CCDC178: variants seen among roughly 807,000 people sequenced by gnomAD.
The protein encoded by CCDC178 is coiled-coil domain containing 178.
CCDC178 carries 126 observed loss-of-function variants against 117.4 expected under a neutral mutation model. The ratio of observed to expected loss-of-function variants is 1.07; its 90% CI spans 0.93 to 1.24. CCDC178 has a LOEUF of 1.24. CCDC178 is among the 50% of genes most tolerant of loss of function. The pLI, the probability that CCDC178 is intolerant of heterozygous loss-of-function variation, is 0.00. For missense variants in CCDC178, 1,030 were observed against 986.9 expected, an observed-to-expected ratio of 1.04 and a Z score of -0.59; for synonymous variants, 283 against 313.4, an observed-to-expected ratio of 0.90 and a Z score of 1.02.
At chr18:33,390,831 T>C (rs1017533191) in intron 4 of CCDC178, among the ~76,000 whole-genome samples, 10 of 151,766 alleles carry the variant, frequency 6.6e-5, no homozygotes, top group Admixed American at 1.3e-4. Flanking sequence ...TGTTTTACTC[T>C]AAAACCACTA....
At chr18:33,142,490 A>C (rs2058219099) in intron 20 of CCDC178, among the ~76,000 whole-genome samples, 1 of 152,222 alleles carries the variant, frequency 6.6e-6, no homozygotes, top group Non-Finnish European at 1.5e-5. Flanking sequence ...CTAGAAAAGG[A>C]GTAATGGAAA....
At chr18:33,309,186 G>T (rs1158606039) in intron 11 of CCDC178, among the ~76,000 whole-genome samples, 1 of 30,096 alleles carries the variant, frequency 3.3e-5, no homozygotes, top group Admixed American at 4.2e-4. Context: ...TGTGTTTTTT[G>T]ACAAAAAAAA....
intron 12 of CCDC178, 66 bp from the exon 13 acceptor site, chr18:33,267,363 A>C (rs931256818): frequency 1.1e-6 from 1 of 892,232 alleles, no homozygotes; most frequent in Non-Finnish European, 1.7e-6. Context: ...AAGGTAAAAA[A>C]TAAATTAATC....
At chr18:33,421,437 T>C (rs944629325) in intron 2 of CCDC178, among the ~76,000 whole-genome samples, 3 of 152,256 alleles carry the variant, frequency 2.0e-5, no homozygotes, top group African/African-American at 7.2e-5. Flanking sequence ...GCCAGGAAGC[T>C]GATTGTTAAA....
chr18:33,431,029 C>G (rs1295157643), intron 2 of CCDC178, among the ~76,000 whole-genome samples: 4 of 148,496 alleles, frequency 2.7e-5, no homozygotes, highest in African/African-American at 9.9e-5. Context: ...GAGCCGAGAT[C>G]GCGCCACTGC....
chr18:33,020,827 G>A (rs2056101987), intron 21 of CCDC178, among the ~76,000 whole-genome samples: 1 of 151,972 alleles, frequency 6.6e-6, no homozygotes, highest in African/African-American at 2.4e-5. Context: ...TGAATTTTAG[G>A]TTGTATTTAC....
chr18:33,126,188 T>C (rs1201271771), intron 20 of CCDC178, among the ~76,000 whole-genome samples: 1 of 152,034 alleles, frequency 6.6e-6, no homozygotes, highest in African/African-American at 2.4e-5. Flanking sequence ...TAGACATGGA[T>C]GGATTTCAAA....
chr18:32,973,056 T>TA (rs1759746187), intron 22 of CCDC178, among the ~76,000 whole-genome samples: 1 of 152,060 alleles, frequency 6.6e-6, no homozygotes, highest in African/African-American at 2.4e-5. Context: ...TTTCCACTGT[T>TA]ATGTAACAGC....
At chr18:33,323,963 A>C (rs1211649012) in intron 10 of CCDC178, among the ~76,000 whole-genome samples, 1 of 151,894 alleles carries the variant, frequency 6.6e-6, no homozygotes, top group Admixed American at 6.6e-5. Flanking sequence ...TCGCAAACAA[A>C]GTGACCTGTA....
chr18:33,084,861 G>C (rs189864363), intron 21 of CCDC178, among the ~76,000 whole-genome samples: 35 of 151,714 alleles, frequency 2.3e-4, no homozygotes, highest in Non-Finnish European at 1.5e-5. Context: ...CAATTCATGT[G>C]TCATTGCTGA....
intron 10 of CCDC178, 53 bp downstream of exon 10, chr18:33,333,121 T>G (rs2062692503): frequency 8.6e-7 from 1 of 1,161,892 alleles, no homozygotes; most frequent in Non-Finnish European, 1.2e-6. Context: ...GTTGAAAAGT[T>G]TTTGCATAAC....
At chr18:33,358,816 G>C (rs2144721386) in intron 6 of CCDC178, among the ~76,000 whole-genome samples, 1 of 151,868 alleles carries the variant, frequency 6.6e-6, no homozygotes, top group Middle Eastern at 3.4e-3. Context: ...GTCACAAACT[G>C]AGAGAAAGTG....
intron 21 of CCDC178, among the ~76,000 whole-genome samples, chr18:33,008,379 CTT>C (rs1338563213): frequency 1.3e-5 from 2 of 152,046 alleles, no homozygotes; most frequent in African/African-American, 4.8e-5. Context: ...TACCCTCTCT[CTT>C]GTTACTGTGT....
intron 14 of CCDC178, among the ~76,000 whole-genome samples, chr18:33,250,573 A>G (rs2059609607): frequency 6.6e-6 from 1 of 151,790 alleles, no homozygotes; most frequent in Admixed American, 6.6e-5. Context: ...AAAGAAAACA[A>G]TTCAACAAGA....
chr18:33,328,082 GATT>G lies in CCDC178; in HGVS notation c.880-4452_880-4450del, dbSNP rs1485166694. 4.6e-4 allele frequency: 115 copies of G among 249,068 alleles called. 2 individuals carry two copies. The highest frequency in any genetic ancestry group is 7.2e-4 in the Middle Eastern group (1 of 1,382). 15.4% of individuals were successfully genotyped at this position (249,068 alleles called of 1,614,324 possible). ...CCAAGGTCATAAAGATTTATCCCTA[GATT>G]TTTTTTTTTTTTTTTTTTTTTTTTT... On this transcript the variant is annotated intron_variant, in intron 10 of 22. Transcript: ENST00000383096.
intron 15 of CCDC178, among the ~76,000 whole-genome samples, chr18:33,235,974 G>C (rs1336744938): frequency 6.6e-6 from 1 of 152,158 alleles, no homozygotes; most frequent in African/African-American, 2.4e-5. Context: ...CAAATCATTT[G>C]TAATAGCTAA....
At chr18:33,264,991 C>T (rs554785530) in intron 14 of CCDC178, among the ~76,000 whole-genome samples, 49 of 152,024 alleles carry the variant, frequency 3.2e-4, no homozygotes, top group Admixed American at 7.2e-4. Flanking sequence ...ATTAGATCAC[C>T]GACTCTTCAG....
chr18:33,073,657 G>C (rs1208647028), intron 21 of CCDC178, among the ~76,000 whole-genome samples: 1 of 151,862 alleles, frequency 6.6e-6, no homozygotes, highest in East Asian at 1.9e-4. Flanking sequence ...ATACCCACTG[G>C]GAACGATCAT....
intron 20 of CCDC178, among the ~76,000 whole-genome samples, chr18:33,140,640 G>A (rs569526195): frequency 6.6e-6 from 1 of 152,140 alleles, no homozygotes; most frequent in Non-Finnish European, 1.5e-5. Context: ...TACCCCCATT[G>A]TATCTAGGGA....
Sources: allele counts gnomAD v4.1 joint callset (sites outside exome capture counted in the v4.1 genomes callset), GRCh38; gene constraint gnomAD v4.1.1; transcripts MANE v1.5; gene names NCBI Gene and HGNC (gene_info 2026-07-23, HGNC 2026-07-21).